Variants in POLDIP3 observed in about 807,000 individuals in gnomAD.
POLDIP3 encodes polymerase delta-interacting protein 3.
Under a neutral mutation model 45.1 loss-of-function variants are expected in POLDIP3, and 14 were observed. The observed-to-expected ratio is 0.31, with a 90% CI of 0.20 to 0.49. The LOEUF is 0.49. Ranked by LOEUF, POLDIP3 falls within the 20% of genes least tolerant of loss-of-function variation. POLDIP3 has a pLI of 0.99. For synonymous variants in POLDIP3, 223 were observed against 205.2 expected (o/e 1.09, Z -0.74); for missense variants, 511 against 538.8 (o/e 0.95, Z 0.51).
chr22:42,596,460 T>C, intron 4 of POLDIP3, 95 bp from the exon 5 acceptor site: 1 of 1,197,822 alleles, frequency 8.3e-7, no homozygotes, highest in Non-Finnish European at 1.2e-6. Context: ...GCATGAACCC[T>C]CGATGCCTCC....
intron 7 of POLDIP3, among the ~76,000 whole-genome samples, chr22:42,589,375 GA>G (rs2146802221): frequency 6.6e-6 from 1 of 152,194 alleles, no homozygotes; most frequent in East Asian, 1.9e-4. Context: ...CAAAAAAAGT[GA>G]CTAGAGGTAA....
At chr22:42,596,744 C>G (rs1195881437) in intron 4 of POLDIP3, among the ~76,000 whole-genome samples, 2 of 152,090 alleles carry the variant, frequency 1.3e-5, no homozygotes, top group East Asian at 3.9e-4. Context: ...CTTGGCCAGG[C>G]ATAGTGGATC....
intron 2 of POLDIP3, 148 bp downstream of exon 2, chr22:42,602,622 G>T: frequency 3.5e-6 from 3 of 846,138 alleles, no homozygotes; most frequent in Non-Finnish European, 5.4e-6. Flanking sequence ...TGGCTATAAC[G>T]TACTTAAAGC....
At chr22:42,587,243 C>T (rs1264825197) in intron 8 of POLDIP3, among the ~76,000 whole-genome samples, 1 of 152,162 alleles carries the variant, frequency 6.6e-6, no homozygotes, top group Non-Finnish European at 1.5e-5. Flanking sequence ...GCAGCCTCCC[C>T]CTCCAACTTC....
At position 42,584,960 on chromosome 22, in the gene POLDIP3, C is replaced by T. The variant is rs927328146; in HGVS notation, c.*831G>A. 4 of 456,178 alleles carry T rather than the reference C, an allele frequency of 8.8e-6. No individual in the cohort carries two copies. Among genetic ancestry groups the T allele is most frequent in the Middle Eastern group, 3.2e-4 (1 of 3,098 alleles). The allele number at this position is 456,178 out of a possible 1,614,324, so 28.3% of individuals were successfully genotyped here. ...AAAGGCCCAACCAGAAGAGAGCTGG[C>T]GGCTACACAAAACCAGGGTGTGGTT... On this transcript the variant is annotated 3_prime_UTR_variant, in exon 9 of 9. Coordinates refer to ENST00000252115, the MANE Select transcript of POLDIP3 (RefSeq NM_032311.5).
Position 42,596,197 on chromosome 22 carries a change from G to A in POLDIP3, c.802C>T (p.Pro268Ser), listed in dbSNP as rs761991813. ...CACCATCACCTCACCTCAGCAGCTG[G>A]CAGCTCTTTGGGGGGTTCTTCCTTG... ...VNKEEPPKELPAAEPVLSPLE... is the reference protein window; with the variant it reads ...VNKEEPPKELSAAEPVLSPLE... Residue 268 changes from proline to serine, a missense_variant, in exon 5 of 9, where the codon CCA becomes TCA. Pro to Ser is a moderately conservative substitution (Grantham distance 74). Coordinates refer to ENST00000252115, the MANE Select transcript of POLDIP3 (RefSeq NM_032311.5). The A allele has an allele frequency of 1.2e-6, 2 of 1,614,088 alleles. No homozygotes were observed. Among genetic ancestry groups the A allele is most frequent in the Non-Finnish European group, 8.5e-7 (1 of 1,180,012 alleles).
intron 4 of POLDIP3, among the ~76,000 whole-genome samples, chr22:42,597,427 TC>T (rs1328200941): frequency 2.0e-5 from 3 of 152,230 alleles, no homozygotes; most frequent in South Asian, 4.1e-4. Flanking sequence ...ATTCTGCGTC[TC>T]CAGAGCTGGG....
Position 42,585,481 on chromosome 22 carries a change from A to C in POLDIP3, c.*310T>G, listed in dbSNP as rs570768956. 13 of 396,570 alleles carry C rather than the reference A, an allele frequency of 3.3e-5. No individual in the cohort carries two copies. The highest frequency in any genetic ancestry group is 2.9e-4 in the South Asian group (13 of 44,666). The allele number at this position is 396,570 out of a possible 1,614,324, so 24.6% of individuals were successfully genotyped here. On this transcript the variant is annotated 3_prime_UTR_variant, in exon 9 of 9. Transcript: ENST00000252115. ...CACAAGAAAGCCACCCAGAGAATTC[A>C]GTGTACCATTTCCAGATAAGAAATC...
intron 7 of POLDIP3, among the ~76,000 whole-genome samples, chr22:42,589,408 A>G (rs1233526015): frequency 1.3e-5 from 2 of 152,224 alleles, no homozygotes; most frequent in African/African-American, 4.8e-5. Flanking sequence ...AATTTGACTG[A>G]AGGGTCAATT....
In POLDIP3 at chr22:42,585,921, C is replaced by A. The variant is rs766082336; in HGVS notation, c.1136G>T (p.Arg379Leu). 1.7e-5 allele frequency: 28 copies of A among 1,613,268 alleles called. No homozygotes were observed. The highest frequency in any genetic ancestry group is 2.4e-5 in the Non-Finnish European group (28 of 1,179,896). ...GGAGGAGGAGGCAGAGTTCACCCTGCGAGGCAGCTCGCTCTCCTTTTTCAT... is the reference window on the plus strand; with the variant it reads ...GGAGGAGGAGGCAGAGTTCACCCTGAGAGGCAGCTCGCTCTCCTTTTTCAT... ...PSMKKESELPRRVNSASSSNP... is the reference protein window; with the variant it reads ...PSMKKESELPLRVNSASSSNP... The change falls in exon 9 of 9, where the codon CGC becomes CTC. Residue 379 changes from arginine (R) to leucine (L), a missense_variant. Arg to Leu is a moderately radical substitution (Grantham distance 102). Coordinates refer to ENST00000252115, the MANE Select transcript of POLDIP3 (RefSeq NM_032311.5).
rs952831980 is a variant in POLDIP3 at position 42,586,742 on chromosome 22, T to A, written c.1088+764A>T. 2.6e-5 allele frequency among the ~76,000 whole-genome samples: 4 copies of A among 152,160 alleles called. No homozygotes were observed. The East Asian group carries it at 7.7e-4, about 29-fold the overall frequency. On this transcript the variant is annotated intron_variant, in intron 8 of 8. Transcript: ENST00000252115. ...ATCCTAGTCTTTTTAAATCTCAAAG[T>A]CTATTTCAGCCCTGCCCCACACTAT...
At chr22:42,608,853 C>T (rs1362171769) in intron 1 of POLDIP3, among the ~76,000 whole-genome samples, 1 of 152,158 alleles carries the variant, frequency 6.6e-6, no homozygotes, top group African/African-American at 2.4e-5. Context: ...AGCTATTTCC[C>T]TCAATCTGAT....
chr22:42,597,361 C>G (rs1302027914), intron 4 of POLDIP3, among the ~76,000 whole-genome samples: 1 of 152,178 alleles, frequency 6.6e-6, no homozygotes, highest in Admixed American at 6.5e-5. Context: ...CACGCTCCTC[C>G]AAGTCTGGGT....
intron 3 of POLDIP3, among the ~76,000 whole-genome samples, chr22:42,600,972 G>A (rs1232021677): frequency 6.6e-6 from 1 of 151,946 alleles, no homozygotes; most frequent in Non-Finnish European, 1.5e-5. Flanking sequence ...GTATGCACCT[G>A]TGATCCCAGC....
chr22:42,587,671 C>G, intron 7 of POLDIP3, 99 bp from the exon 8 acceptor site: 1 of 1,129,120 alleles, frequency 8.9e-7, no homozygotes, highest in South Asian at 1.3e-5. Flanking sequence ...TCAAAGCACC[C>G]ACCACTGGCA....
Position 42,585,835 on chromosome 22 carries a change from C to A in POLDIP3, c.1222G>T (p.Ala408Ser), listed in dbSNP as rs1019863281. 1.9e-6 allele frequency: 3 copies of A among 1,612,846 alleles called. No homozygotes were observed. In the African/African-American group the frequency reaches 4.0e-5, roughly 22 times the overall value. The change falls in exon 9 of 9, where the codon GCC becomes TCC. Residue 408 changes from alanine to serine, a missense_variant. By Grantham distance (99) the Ala-to-Ser change is moderately conservative. Transcript: ENST00000252115. Reference sequence around the variant, plus strand: ...TCTGTGGGCTGCGTGGTCACAGAGGCCCCTGAGGACTTGAAGAGTGCCTTC... The same window carrying A: ...TCTGTGGGCTGCGTGGTCACAGAGGACCCTGAGGACTTGAAGAGTGCCTTC... ...ILKALFKSSG[A>S]SVTTQPTEFK...
At chr22:42,601,706 A>G (rs1220720035) in intron 3 of POLDIP3, among the ~76,000 whole-genome samples, 1 of 152,258 alleles carries the variant, frequency 6.6e-6, no homozygotes, top group African/African-American at 2.4e-5. Flanking sequence ...GGTTGCAGTG[A>G]GCCGAGATTA....
In POLDIP3 at chr22:42,586,071, G is replaced by T. The variant is rs996735599; in HGVS notation, c.1089-103C>A. The T allele has an allele frequency of 2.3e-5, 25 of 1,103,842 alleles. No individual in the cohort carries two copies. In the African/African-American group the frequency reaches 3.2e-4, roughly 14 times the overall value. The allele number at this position is 1,103,842 out of a possible 1,614,324, so 68.4% of individuals were successfully genotyped here. On this transcript the variant is annotated intron_variant, in intron 8 of 8. Coordinates refer to ENST00000252115, the MANE Select transcript of POLDIP3 (RefSeq NM_032311.5). ...ATCTGTCATGAGCTAGGCACTGGGT[G>T]TAACACTTTCCATACCCCTTCATCT...
At chr22:42,595,854 G>C (rs1702667220) in intron 5 of POLDIP3, among the ~76,000 whole-genome samples, 1 of 152,176 alleles carries the variant, frequency 6.6e-6, no homozygotes, top group Non-Finnish European at 1.5e-5. Context: ...CTACCTGGAA[G>C]GCTACTCATG....
Sources: gnomAD v4.1 joint callset for allele counts (sites outside exome capture counted in the v4.1 genomes callset) on GRCh38, gnomAD v4.1.1 for gene constraint, MANE v1.5 for transcripts, NCBI Gene and HGNC (gene_info 2026-07-23, HGNC 2026-07-21) for gene names.